Variants in PLEKHH1 observed in about 807,000 individuals in gnomAD.
PLEKHH1 encodes the protein pleckstrin homology domain-containing family H member 1.
A neutral mutation model predicts 160.0 loss-of-function variants in PLEKHH1; 104 were observed. The ratio of observed to expected loss-of-function variants is 0.65; its 90% CI spans 0.55 to 0.76. PLEKHH1 has a LOEUF of 0.76. Among genes scored for constraint, PLEKHH1 ranks in the 30% least tolerant of loss-of-function variants. The pLI, the probability that PLEKHH1 is intolerant of heterozygous loss-of-function variation, is 0.00. For missense variants in PLEKHH1, 1,427 were observed against 1,724.1 expected, an observed-to-expected ratio of 0.83 and a Z score of 3.05; for synonymous variants, 619 against 678.4, an observed-to-expected ratio of 0.91 and a Z score of 1.36.
intron 21 of PLEKHH1, 143 bp from the exon 22 acceptor site, chr14:67,579,578 C>T (rs922141927): frequency 2.5e-6 from 2 of 799,498 alleles, no homozygotes; most frequent in Non-Finnish European, 2.0e-6. Flanking sequence ...GGCCCTTTGC[C>T]TGTGAACACA....
chr14:67,582,094 G>A lies in PLEKHH1; in HGVS notation c.3310G>A (p.Gly1104Arg). Residue 1104 changes from glycine (G) to arginine (R), a missense_variant, in exon 24 of 29, where the codon GGG becomes AGG. Gly to Arg is a moderately radical substitution (Grantham distance 125, BLOSUM62 -2). Coordinates refer to ENST00000329153, the MANE Select transcript of PLEKHH1 (RefSeq NM_020715.3). This position sits in a 1 kb window ranked among gnomAD's most constrained non-coding sequence, Gnocchi z 5.0. Reference protein sequence around the residue: ...NRLYFRSQVKGETDRERLLLA... With the variant: ...NRLYFRSQVKRETDRERLLLA... ...GCTGTACTTTCGCAGTCAAGTCAAA[G>A]GGGAGACGGACCGAGAACGGCTGCT... 6.2e-7 allele frequency: 1 copy of A among 1,612,282 alleles called. No individual in the cohort carries two copies. The highest frequency in any genetic ancestry group is 8.5e-7 in the Non-Finnish European group (1 of 1,179,316).
chr14:67,587,817 G>A lies in PLEKHH1; in HGVS notation c.*582G>A, dbSNP rs1470649930. 1 of 156,682 alleles carries A rather than the reference G, an allele frequency of 6.4e-6. No homozygotes were observed. The highest frequency in any genetic ancestry group is 1.4e-5 in the Non-Finnish European group (1 of 70,914). 9.7% of individuals were successfully genotyped at this position (156,682 alleles called of 1,614,324 possible). A position where few individuals can be genotyped will look rare whatever the true frequency, so the allele number is the denominator to read the frequency against. On this transcript the variant is annotated 3_prime_UTR_variant, in exon 29 of 29. Transcript: ENST00000329153. ...CCCACTTTGGCCTCCCAAAGTGCTG[G>A]GATTACAGGCATGAGCCATCGCCCA...
chr14:67,588,531 A>C lies in PLEKHH1; in HGVS notation c.*1296A>C, dbSNP rs1485416635. Reference sequence around the variant, plus strand: ...CTTTTGCCTTACTGATAATACCATAATCCCCCTCAATTCAGACCTTCTGAT... The same window carrying C: ...CTTTTGCCTTACTGATAATACCATACTCCCCCTCAATTCAGACCTTCTGAT... On this transcript the variant is annotated 3_prime_UTR_variant, in exon 29 of 29. Coordinates refer to ENST00000329153, the MANE Select transcript of PLEKHH1 (RefSeq NM_020715.3). 3 of 152,004 alleles carry C rather than the reference A, an allele frequency of 2.0e-5. No homozygotes were observed. Among genetic ancestry groups the C allele is most frequent in the Non-Finnish European group, 4.4e-5 (3 of 68,016 alleles). 9.4% of individuals were successfully genotyped at this position (152,004 alleles called of 1,614,324 possible).
rs765515437 is a variant in PLEKHH1, at chr14:67,572,237, G to A, written c.1688G>A (p.Arg563His). Residue 563 changes from arginine (R) to histidine (H), a missense_variant, in exon 11 of 29, where the codon CGC becomes CAC. Physicochemically the swap from Arg to His is conservative, Grantham distance 29. Coordinates refer to ENST00000329153, the MANE Select transcript of PLEKHH1 (RefSeq NM_020715.3). The stretch of plus-strand genomic sequence containing the variant: ...TCAGAGCCTGAGCACAAACTGCAGC[G>A]CACCTCATCCTACTCCACCGACGGG... ...DYSEPEHKLQRTSSYSTDGLG... is the reference protein window; with the variant it reads ...DYSEPEHKLQHTSSYSTDGLG... 13 of 1,608,024 alleles carry A rather than the reference G, an allele frequency of 8.1e-6. No individual in the cohort carries two copies. The highest frequency in any genetic ancestry group is 6.7e-5 in the East Asian group (3 of 44,664).
chr14:67,555,057 C>T (rs1389461803), intron 2 of PLEKHH1, among the ~76,000 whole-genome samples: 2 of 152,050 alleles, frequency 1.3e-5, no homozygotes, highest in African/African-American at 4.8e-5. Context: ...GGACTACAGG[C>T]GCACACCGCC....
In PLEKHH1 at chr14:67,572,241, C is replaced by T. The variant is rs989227482; in HGVS notation, c.1692C>T (p.Thr564=). The change falls in exon 11 of 29, where the codon ACC becomes ACT. Residue 564 remains threonine (T), a synonymous_variant. Coordinates refer to ENST00000329153, the MANE Select transcript of PLEKHH1 (RefSeq NM_020715.3). ...AGCCTGAGCACAAACTGCAGCGCAC[C>T]TCATCCTACTCCACCGACGGGCTGG... ...YSEPEHKLQR[T]SSYSTDGLGL... is the part of the protein sequence containing the mutation. The T allele has an allele frequency of 4.4e-6, 7 of 1,607,382 alleles. No individual in the cohort carries two copies. Among genetic ancestry groups the T allele is most frequent in the African/African-American group, 1.3e-5 (1 of 74,808 alleles).
At chr14:67,537,102 T>C (rs1241263671) in intron 1 of PLEKHH1, among the ~76,000 whole-genome samples, 5 of 149,586 alleles carry the variant, frequency 3.3e-5, no homozygotes, top group African/African-American at 1.0e-4. Flanking sequence ...CAACACACTT[T>C]AGAAGAATGA....
chr14:67,543,791 AC>A (rs1269653017), intron 2 of PLEKHH1, among the ~76,000 whole-genome samples: 1 of 146,662 alleles, frequency 6.8e-6, no homozygotes, highest in Non-Finnish European at 1.5e-5. Flanking sequence ...CAAAAAAAAA[AC>A]CCACTATGAA....
At chr14:67,538,058 A>C (rs1257434811) in intron 1 of PLEKHH1, among the ~76,000 whole-genome samples, 1 of 152,190 alleles carries the variant, frequency 6.6e-6, no homozygotes, top group African/African-American at 2.4e-5. Flanking sequence ...GGACAGAGGG[A>C]CTTATTGTAC....
In PLEKHH1 at chr14:67,585,977, T is replaced by C. The variant is rs761118795; in HGVS notation, c.3813T>C (p.Ser1271=). The C allele has an allele frequency of 8.7e-6, 14 of 1,613,774 alleles. 1 individual carries two copies. The South Asian group carries it at 1.4e-4, about 16-fold the overall frequency. Residue 1271 remains serine (S), a synonymous_variant, in exon 28 of 29, where the codon TCT becomes TCC. Coordinates refer to ENST00000329153, the MANE Select transcript of PLEKHH1 (RefSeq NM_020715.3). ...TMQVHITYPY[S]SVTTFGGCRD... ...AAGTGCACATCACTTACCCCTACTC[T>C]TCAGTGACAACGTTTGGTGGCTGCA... is the stretch of plus-strand genomic sequence containing the variant.
intron 2 of PLEKHH1, among the ~76,000 whole-genome samples, chr14:67,552,618 T>C (rs940608733): frequency 6.6e-6 from 1 of 151,402 alleles, no homozygotes; most frequent in African/African-American, 2.4e-5. Context: ...ATATAAAAAA[T>C]TAGCTGGGCG....
chr14:67,556,614 G>A (rs1231561718), intron 3 of PLEKHH1, among the ~76,000 whole-genome samples: 2 of 152,196 alleles, frequency 1.3e-5, no homozygotes, highest in East Asian at 1.9e-4. Flanking sequence ...CCAGCGGGGT[G>A]TGACGGTATG....
chr14:67,546,854 T>C (rs113132394), intron 2 of PLEKHH1, among the ~76,000 whole-genome samples: 1 of 152,084 alleles, frequency 6.6e-6, no homozygotes, highest in African/African-American at 2.4e-5. Flanking sequence ...CACAGCAAAA[T>C]CCTGTCTCAA....
Position 67,578,214 on chromosome 14 carries a change from G to T in PLEKHH1, c.2751+15G>T, listed in dbSNP as rs994972270. On this transcript the variant is annotated intron_variant, in intron 19 of 28. Transcript: ENST00000329153. This position sits in a 1 kb window ranked among gnomAD's most constrained non-coding sequence, Gnocchi z 5.0. ...CCCTCATGCAGGTAGGCATGCCAGG[G>T]GTGGAGCAGCTGACAGAAGCCATTG... 2.5e-6 allele frequency: 4 copies of T among 1,610,854 alleles called. No homozygotes were observed. The highest frequency in any genetic ancestry group is 3.4e-6 in the Non-Finnish European group (4 of 1,177,876).
At chr14:67,566,972 G>A (rs2035129642) in intron 7 of PLEKHH1, among the ~76,000 whole-genome samples, 1 of 152,140 alleles carries the variant, frequency 6.6e-6, no homozygotes, top group Non-Finnish European at 1.5e-5. Flanking sequence ...GCAGCGTCAG[G>A]TCTTCCCACA....
In PLEKHH1 at chr14:67,578,988, A is replaced by C; in HGVS notation, c.2850-146A>C. On this transcript the variant is annotated intron_variant, in intron 20 of 28. Coordinates refer to ENST00000329153, the MANE Select transcript of PLEKHH1 (RefSeq NM_020715.3). This position sits in a 1 kb window ranked among gnomAD's most constrained non-coding sequence, Gnocchi z 5.0. ...TATAAAGGTCCTGAATGACAAATTA[A>C]TGTCCCAGACCAGAGTCTTCAGGGC... 1.5e-6 allele frequency: 1 copy of C among 645,828 alleles called. No homozygotes were observed. The highest frequency in any genetic ancestry group is 2.7e-6 in the Non-Finnish European group (1 of 367,162). The allele number at this position is 645,828 out of a possible 1,614,324, so 40.0% of individuals were successfully genotyped here.
At position 67,582,386 on chromosome 14, in the gene PLEKHH1, G is replaced by T; in HGVS notation, c.3426+176G>T. On this transcript the variant is annotated intron_variant, in intron 24 of 28. Transcript: ENST00000329153. This position sits in a 1 kb window ranked among gnomAD's most constrained non-coding sequence, Gnocchi z 5.0. ...TACAGATCAGAGCTCCTCACTCACCGCAGATATAGGATGCGTGCAGATGGC... is the reference window on the plus strand; with the variant it reads ...TACAGATCAGAGCTCCTCACTCACCTCAGATATAGGATGCGTGCAGATGGC... 1 of 1,079,314 alleles carries T rather than the reference G, an allele frequency of 9.3e-7. No individual in the cohort carries two copies. The highest frequency in any genetic ancestry group is 1.3e-6 in the Non-Finnish European group (1 of 748,054). The allele number at this position is 1,079,314 out of a possible 1,614,324, so 66.9% of individuals were successfully genotyped here.
rs781234386 is a variant in PLEKHH1, at chr14:67,562,587, G to C, written c.956G>C (p.Gly319Ala). The C allele has an allele frequency of 9.3e-6, 15 of 1,612,526 alleles. No individual in the cohort carries two copies. Among genetic ancestry groups the C allele is most frequent in the Non-Finnish European group, 1.2e-5 (14 of 1,179,268 alleles). The change falls in exon 7 of 29, where the codon GGC becomes GCC. Residue 319 changes from glycine to alanine, a missense_variant. By Grantham distance (60) the Gly-to-Ala change is moderately conservative. This residue lies in a region of PLEKHH1 where 831 missense variants were observed against 929.2 expected (regional missense o/e 0.89). Coordinates refer to ENST00000329153, the MANE Select transcript of PLEKHH1 (RefSeq NM_020715.3). ...SLTLPKVRAP[G>A]TPRDSIQLAK... ...ACCCTACCAAAGGTGCGGGCTCCTG[G>C]CACCCCGCGGGACAGCATCCAGTTG...
chr14:67,568,134 C>T (rs1260053054), intron 7 of PLEKHH1, among the ~76,000 whole-genome samples: 3 of 152,142 alleles, frequency 2.0e-5, no homozygotes, highest in African/African-American at 7.2e-5. Context: ...AAAACGTGCC[C>T]TAAGTTCCCA....
Sources: gnomAD v4.1 joint callset for allele counts (sites outside exome capture counted in the v4.1 genomes callset) on GRCh38, gnomAD v4.1.1 for gene constraint, gnomAD v4.1.1 regional missense constraint, Gnocchi (gnomAD v3.1) non-coding constraint, MANE v1.5 for transcripts, NCBI Gene and HGNC (gene_info 2026-07-23, HGNC 2026-07-21) for gene names.